The following C14orf39 variants were observed in gnomAD, a reference collection of about 807,000 sequenced individuals.
C14orf39 encodes the protein chromosome 14 open reading frame 39, also known as protein SIX6OS1.
C14orf39 carries 66 observed loss-of-function variants against 85.6 expected under a neutral mutation model. The ratio of observed to expected loss-of-function variants is 0.77; its 90% CI spans 0.63 to 0.95. The LOEUF (loss-of-function observed/expected upper bound fraction) is 0.95, where lower values mean the gene tolerates loss of function less well. Ranked by LOEUF, C14orf39 falls within the 40% of genes least tolerant of loss-of-function variation. The pLI is 0.00. For synonymous variants in C14orf39, 242 were observed against 214.0 expected, an observed-to-expected ratio of 1.13 and a Z score of -1.14; for missense variants, 735 against 663.9, an observed-to-expected ratio of 1.11 and a Z score of -1.18.
chr14:60,437,718 A>C (rs569701764), intron 17 of C14orf39, among the ~76,000 whole-genome samples: 5 of 152,158 alleles, frequency 3.3e-5, no homozygotes, highest in Non-Finnish European at 7.4e-5. Context: ...GTAATGGAGG[A>C]AAAAATGCTG....
chr14:60,444,787 G>T (rs1485507993), intron 16 of C14orf39, among the ~76,000 whole-genome samples: 1 of 152,130 alleles, frequency 6.6e-6, no homozygotes, highest in Non-Finnish European at 1.5e-5. Flanking sequence ...ACAATGTTAA[G>T]GGCAGCCAGA....
intron 2 of C14orf39, among the ~76,000 whole-genome samples, chr14:60,492,769 C>A (rs1170311451): frequency 6.6e-6 from 1 of 151,890 alleles, no homozygotes; most frequent in Non-Finnish European, 1.5e-5. Flanking sequence ...GGTGACAGAG[C>A]AAGACCCTGT....
chr14:60,454,568 G>A (rs1891180578), intron 16 of C14orf39, among the ~76,000 whole-genome samples: 1 of 151,848 alleles, frequency 6.6e-6, no homozygotes, highest in African/African-American at 2.4e-5. Flanking sequence ...ACTTTATCAT[G>A]ATTCATATCA....
At chr14:60,452,130 T>C (rs1162316140) in intron 16 of C14orf39, among the ~76,000 whole-genome samples, 3 of 141,304 alleles carry the variant, frequency 2.1e-5, no homozygotes, top group Non-Finnish European at 4.5e-5. Context: ...GAGGTTGCAG[T>C]GAGCCGACAT....
intron 5 of C14orf39, among the ~76,000 whole-genome samples, chr14:60,476,866 G>GA (rs1892402053): frequency 6.9e-6 from 1 of 144,592 alleles, no homozygotes. Context: ...CAATTGACCT[G>GA]TTTTTTTAAA....
rs958635282 is a variant in C14orf39 at position 60,463,791 on chromosome 14, A to C, written c.972+2188T>G. Among the ~76,000 whole-genome samples the C allele has an allele frequency of 5.3e-4, 81 of 152,166 alleles. 2 individuals are homozygous for C. The highest frequency in any genetic ancestry group is 1.9e-3 in the African/African-American group (80 of 41,544). The stretch of plus-strand genomic sequence containing the variant: ...ATACTTTTTATTCTAGTAATGGGTC[A>C]TTTTTGGTGAATATTGCAAATAAAA... On this transcript the variant is annotated intron_variant, in intron 11 of 17. Coordinates refer to ENST00000321731, the MANE Select transcript of C14orf39 (RefSeq NM_174978.3).
chr14:60,475,995 T>C (rs1409221322), intron 5 of C14orf39, among the ~76,000 whole-genome samples: 2 of 152,058 alleles, frequency 1.3e-5, no homozygotes, highest in South Asian at 2.1e-4. Flanking sequence ...ACTGCACACA[T>C]GAGAAGAAAA....
In C14orf39 at chr14:60,492,163, G is replaced by A. The variant is rs543586328; in HGVS notation, c.-8-7077C>T. Among the ~76,000 whole-genome samples the A allele has an allele frequency of 2.9e-4, 44 of 152,164 alleles. 1 individual carries two copies. The South Asian group carries it at 8.9e-3, about 31-fold the overall frequency. On this transcript the variant is annotated intron_variant, in intron 2 of 5. Transcript: ENST00000556799. ...AAATTTTTTTATCCTAAAGTCAGGCGCAATAACTAAGAGACAAAACTTGGA... is the reference window on the plus strand; with the variant it reads ...AAATTTTTTTATCCTAAAGTCAGGCACAATAACTAAGAGACAAAACTTGGA...
chr14:60,451,867 A>T (rs574427888), intron 16 of C14orf39, among the ~76,000 whole-genome samples: 32 of 152,234 alleles, frequency 2.1e-4, no homozygotes, highest in African/African-American at 6.5e-4. Flanking sequence ...AATTAAAAAT[A>T]AAATAAAATA....
intron 1 of C14orf39, among the ~76,000 whole-genome samples, chr14:60,504,007 T>C (rs1393508574): frequency 6.6e-6 from 1 of 152,186 alleles, no homozygotes; most frequent in Non-Finnish European, 1.5e-5. Context: ...GGGGGACCAC[T>C]GTTCTGTTCA....
chr14:60,467,515 T>C (rs575739569), intron 9 of C14orf39, among the ~76,000 whole-genome samples: 3 of 152,004 alleles, frequency 2.0e-5, no homozygotes, highest in African/African-American at 4.8e-5. Context: ...CTAAATTTTA[T>C]CTAAATTGAA....
At chr14:60,510,996 C>T (rs1893282524) in intron 1 of C14orf39, 6 of 1,378,340 alleles carry the variant, frequency 4.4e-6, no homozygotes, top group Non-Finnish European at 5.0e-6. Flanking sequence ...CTCTAGCCGC[C>T]GGGCTGGAGG....
In C14orf39 at chr14:60,478,372, T is replaced by A. The variant is rs780067619; in HGVS notation, c.251A>T (p.Asp84Val). 5.7e-6 allele frequency: 9 copies of A among 1,575,362 alleles called. No homozygotes were observed. The Admixed American group carries it at 1.5e-4, about 27-fold the overall frequency. The part of the protein sequence containing the change: ...DNCRNWKPTC[D>V]VFRKHEDYMQ... ...ATAATCTTCATGTTTACGAAAAACATCACATGTTGGCTTCCAGCTATAGAA... is the reference window on the plus strand; with the variant it reads ...ATAATCTTCATGTTTACGAAAAACAACACATGTTGGCTTCCAGCTATAGAA... Residue 84 changes from aspartate (D) to valine (V), a missense_variant, in exon 5 of 18, where the codon GAT becomes GTT. By Grantham distance (152) the Asp-to-Val change is radical (BLOSUM62 -3). Coordinates refer to ENST00000321731, the MANE Select transcript of C14orf39 (RefSeq NM_174978.3).
At chr14:60,438,029 A>G (rs1890338339) in intron 17 of C14orf39, among the ~76,000 whole-genome samples, 1 of 151,830 alleles carries the variant, frequency 6.6e-6, no homozygotes, top group Non-Finnish European at 1.5e-5. Context: ...TTAAGTCTAT[A>G]GTAATCAAAT....
chr14:60,439,858 G>C (rs1890424800), intron 17 of C14orf39, among the ~76,000 whole-genome samples: 1 of 152,202 alleles, frequency 6.6e-6, no homozygotes, highest in Non-Finnish European at 1.5e-5. Context: ...TGGATCACCT[G>C]AGGTCAGGAA....
At chr14:60,446,339 T>A (rs940510445) in intron 16 of C14orf39, among the ~76,000 whole-genome samples, 1 of 152,034 alleles carries the variant, frequency 6.6e-6, no homozygotes, top group Non-Finnish European at 1.5e-5. Context: ...AAGAATCAAA[T>A]AGATGCAATA....
At chr14:60,492,063 A>G (rs1892997505) in intron 2 of C14orf39, among the ~76,000 whole-genome samples, 1 of 152,214 alleles carries the variant, frequency 6.6e-6, no homozygotes, top group Non-Finnish European at 1.5e-5. Flanking sequence ...CCCACTTCAC[A>G]GTGTGAACGG....
At chr14:60,493,279 T>C (rs1363672993) in intron 2 of C14orf39, among the ~76,000 whole-genome samples, 1 of 152,204 alleles carries the variant, frequency 6.6e-6, no homozygotes, top group Non-Finnish European at 1.5e-5. Flanking sequence ...TTGGAGTTTT[T>C]TTTAAGGTAC....
chr14:60,495,724 T>C, intron 2 of C14orf39: 1 of 191,356 alleles, frequency 5.2e-6, no homozygotes, highest in Non-Finnish European at 1.1e-5. Context: ...GGGAGCGGAG[T>C]TGTATCTACA....
Sources: gnomAD v4.1 joint callset for allele counts (sites outside exome capture counted in the v4.1 genomes callset) on GRCh38, gnomAD v4.1.1 for gene constraint, MANE v1.5 for transcripts, NCBI Gene and HGNC (gene_info 2026-07-23, HGNC 2026-07-21) for gene names.